Variants in MDN1 observed in about 807,000 individuals in gnomAD.
The protein encoded by MDN1 is midasin.
A neutral mutation model predicts 669.2 loss-of-function variants in MDN1; 266 were observed. That is an observed-to-expected ratio of 0.40 (90% CI 0.36 to 0.44). The LOEUF (loss-of-function observed/expected upper bound fraction) is 0.44, where lower values mean the gene tolerates loss of function less well. MDN1 is among the 20% of genes least tolerant of loss of function. MDN1 has a pLI of 1.00. For synonymous variants in MDN1, 2,385 were observed against 2,457.1 expected, an observed-to-expected ratio of 0.97 and a Z score of 0.87; for missense variants, 5,940 against 6,754.0, an observed-to-expected ratio of 0.88 and a Z score of 4.22.
Position 89,756,400 on chromosome 6 carries a change from A to G in MDN1, c.2703-10T>C, listed in dbSNP as rs1360261035. ...ATAAAGTTCTGTGAACCTGTAAAAC[A>G]ATACATAATAAACACTTTTTAGGAA... On this transcript the variant is annotated splice_polypyrimidine_tract_variant and intron_variant, in intron 19 of 101. Transcript: ENST00000369393. 7.6e-7 allele frequency: 1 copy of G among 1,313,404 alleles called. No homozygotes were observed. The highest frequency in any genetic ancestry group is 1.3e-5 in the South Asian group (1 of 77,720). 81.4% of individuals were successfully genotyped at this position (1,313,404 alleles called of 1,614,324 possible).
At chr6:89,815,690 G>A (rs775094510) in intron 1 of MDN1, among the ~76,000 whole-genome samples, 5 of 152,188 alleles carry the variant, frequency 3.3e-5, no homozygotes, top group African/African-American at 1.2e-4. Context: ...TCGTATACTT[G>A]ACCTTGAGCC....
intron 3 of MDN1, 148 bp from the exon 4 acceptor site, chr6:89,794,355 G>A: frequency 1.5e-6 from 1 of 658,484 alleles, no homozygotes; most frequent in South Asian, 2.0e-5. Context: ...AGGCACAATG[G>A]ATTTACTTGA....
chr6:89,793,595 T>C (rs1819397889), intron 5 of MDN1, among the ~76,000 whole-genome samples, 167 bp downstream of exon 5: 1 of 152,180 alleles, frequency 6.6e-6, no homozygotes, highest in South Asian at 2.1e-4. Flanking sequence ...AGTGGGAATA[T>C]CAGGGGAAAA....
chr6:89,819,627 G>A lies in MDN1; in HGVS notation c.-20C>T, dbSNP rs770974535. On this transcript the variant is annotated 5_prime_UTR_variant, in exon 1 of 102. Coordinates refer to ENST00000369393, the MANE Select transcript of MDN1 (RefSeq NM_014611.3). ...CTCCATGACCCAGGGCCCTCACCCC[G>A]AGCGGCCACCTGCGCTCCCTACTTC... The A allele has an allele frequency of 4.4e-6, 7 of 1,594,322 alleles. No individual in the cohort carries two copies. In the East Asian group the frequency reaches 6.7e-5, roughly 15 times the overall value.
chr6:89,683,102 A>G (rs1301915855), intron 73 of MDN1, 30 bp downstream of exon 73: 4 of 1,607,316 alleles, frequency 2.5e-6, no homozygotes, highest in Non-Finnish European at 3.4e-6. Flanking sequence ...TGGCTTGGGA[A>G]TAAGCCAGCA....
chr6:89,696,523 A>G lies in MDN1; in HGVS notation c.9220T>C (p.Leu3074=). Residue 3074 remains leucine (L), a synonymous_variant, in exon 60 of 102, where the codon TTA becomes CTA. Coordinates refer to ENST00000369393, the MANE Select transcript of MDN1 (RefSeq NM_014611.3). ...PIFSKCCFEV[L]TSSWRASPWD... ...GGACTTGCTCTCCAGCTGCTGGTTA[A>G]GACTTCAAAGCAGCACTTAGAGAAT... 2 of 1,614,244 alleles carry G rather than the reference A, an allele frequency of 1.2e-6. No individual in the cohort carries two copies. The highest frequency in any genetic ancestry group is 1.7e-6 in the Non-Finnish European group (2 of 1,180,034).
Position 89,715,705 on chromosome 6 carries a change from T to A in MDN1, c.6808A>T (p.Arg2270Ter). The change falls in exon 45 of 102, where the codon AGA becomes TGA. Residue 2270 changes from arginine (R) to a stop codon, truncating the protein, a stop_gained. Coordinates refer to ENST00000369393, the MANE Select transcript of MDN1 (RefSeq NM_014611.3). LOFTEE classifies it high-confidence loss of function. ...EPGGVLTISE[R>*]GMIDGSTPTI... The stretch of plus-strand genomic sequence containing the variant: ...GGAGTGGATCCATCTATCATTCCTC[T>A]CTCACTAATAGTGAGGACACCTCCG... 6.2e-7 allele frequency: 1 copy of A among 1,613,700 alleles called. No homozygotes were observed. Among genetic ancestry groups the A allele is most frequent in the Non-Finnish European group, 8.5e-7 (1 of 1,179,538 alleles).
At chr6:89,818,480 AT>A (rs199540495) in intron 1 of MDN1, among the ~76,000 whole-genome samples, 43 of 149,994 alleles carry the variant, frequency 2.9e-4, no homozygotes, top group African/African-American at 8.1e-4. Flanking sequence ...CAAAAAAAAA[AT>A]TTTTTTTTTA....
At chr6:89,740,574 G>GAA (rs541481034) in intron 31 of MDN1, among the ~76,000 whole-genome samples, 196 bp from the exon 32 acceptor site, 5 of 150,754 alleles carry the variant, frequency 3.3e-5, no homozygotes, top group Non-Finnish European at 7.4e-5. Context: ...TTCTGATCAA[G>GAA]AAAAAAAAAC....
At chr6:89,730,677 T>C (rs1385785129) in intron 35 of MDN1, 49 bp downstream of exon 35, 3 of 1,477,168 alleles carry the variant, frequency 2.0e-6, no homozygotes, top group South Asian at 1.2e-5. Flanking sequence ...AAGCCAAGTA[T>C]CTATGATCTA....
intron 15 of MDN1, among the ~76,000 whole-genome samples, chr6:89,766,858 G>A (rs1817825023): frequency 6.6e-6 from 1 of 152,176 alleles, no homozygotes; most frequent in Admixed American, 6.5e-5. Context: ...CTATGGGTGG[G>A]TGGCAAGGAA....
chr6:89,689,845 G>A (rs949760899), intron 65 of MDN1, 25 bp downstream of exon 65: 7 of 1,604,332 alleles, frequency 4.4e-6, no homozygotes, highest in Non-Finnish European at 6.0e-6. Flanking sequence ...TTTCCCAGGG[G>A]CATAACAAAA....
chr6:89,813,790 T>C (rs1182793977), intron 1 of MDN1, among the ~76,000 whole-genome samples: 1 of 151,862 alleles, frequency 6.6e-6, no homozygotes, highest in East Asian at 1.9e-4. Flanking sequence ...AAGTTAAAGC[T>C]ATGTTCTGCC....
chr6:89,699,175 C>G, intron 58 of MDN1, 140 bp from the exon 59 acceptor site: 1 of 710,440 alleles, frequency 1.4e-6, no homozygotes, highest in Non-Finnish European at 2.2e-6. Flanking sequence ...TCTCTGCCAC[C>G]CCAGTCAACT....
In MDN1 at chr6:89,761,679, A is replaced by G; in HGVS notation, c.2426T>C (p.Met809Thr). ...TGCGAACAATAAGGTATTTTCAGTCATTTTCATCTGTTGTTGGGCATGGTT... is the reference window on the plus strand; with the variant it reads ...TGCGAACAATAAGGTATTTTCAGTCGTTTTCATCTGTTGTTGGGCATGGTT... ...RLNHAQQQMKMTENTLLFAFV... is the reference protein window; with the variant it reads ...RLNHAQQQMKTTENTLLFAFV... Residue 809 changes from methionine to threonine, a missense_variant, in exon 17 of 102, where the codon ATG becomes ACG. Met to Thr is a moderately conservative substitution (Grantham distance 81). Around this residue, in one of 5 missense-constraint regions of MDN1, gnomAD observed 1,203 missense variants for 1,268.9 expected, o/e 0.95. Transcript: ENST00000369393. 6.2e-7 allele frequency: 1 copy of G among 1,612,464 alleles called. No homozygotes were observed. The highest frequency in any genetic ancestry group is 8.5e-7 in the Non-Finnish European group (1 of 1,179,238).
chr6:89,676,606 T>G (rs934391414), intron 76 of MDN1, among the ~76,000 whole-genome samples: 6 of 152,146 alleles, frequency 3.9e-5, no homozygotes, highest in Non-Finnish European at 2.9e-5. Context: ...TCAAGTAAGC[T>G]GGAGAGCATG....
intron 31 of MDN1, among the ~76,000 whole-genome samples, chr6:89,742,863 GA>G (rs1384942494): frequency 6.6e-6 from 1 of 152,070 alleles, no homozygotes; most frequent in East Asian, 1.9e-4. Context: ...AAAAAACCTA[GA>G]AATTTAGGAA....
Position 89,655,841 on chromosome 6 carries a change from G to C in MDN1, c.15413C>G (p.Pro5138Arg), listed in dbSNP as rs1234268698. The change falls in exon 92 of 102, where the codon CCC (proline) becomes CGC (arginine). Residue 5138 changes from proline (P) to arginine (R), a missense_variant. Transcript: ENST00000369393. ...SHAEQGPAQQ[P>R]QAQVEDADAF... ...ATCTGCATCCTCCACCTGGGCCTGG[G>C]GCTGCTGAGCTGGCCCCTGCTCGGC... is the stretch of plus-strand genomic sequence containing the variant. 16 of 1,613,908 alleles carry C rather than the reference G, an allele frequency of 9.9e-6. No individual in the cohort carries two copies. Among genetic ancestry groups the C allele is most frequent in the Non-Finnish European group, 1.4e-5 (16 of 1,180,020 alleles).
At position 89,696,572 on chromosome 6, in the gene MDN1, G is replaced by A. The variant is rs1204916288; in HGVS notation, c.9171C>T (p.Gly3057=). 1.2e-6 allele frequency: 2 copies of A among 1,612,170 alleles called. No individual in the cohort carries two copies. Among genetic ancestry groups the A allele is most frequent in the East Asian group, 2.2e-5 (1 of 44,876 alleles). The stretch of plus-strand genomic sequence containing the variant: ...ATATGGGTCTATTGAGATTGCCGGG[G>A]CCCTAAAGGACAAGAGAAGAGTCAA... The part of the protein sequence containing the change: ...PKSVLDSTLK[G]PGNLNRPIFS... The change falls in exon 60 of 102, where the codon GGC becomes GGT. Residue 3057 remains glycine (G), a splice_region_variant and synonymous_variant. Coordinates refer to ENST00000369393, the MANE Select transcript of MDN1 (RefSeq NM_014611.3).
Sources: gnomAD v4.1 joint callset for allele counts (sites outside exome capture counted in the v4.1 genomes callset) on GRCh38, gnomAD v4.1.1 for gene constraint, gnomAD v4.1.1 regional missense constraint, MANE v1.5 for transcripts, NCBI Gene and HGNC (gene_info 2026-07-23, HGNC 2026-07-21) for gene names.